AFF3: variants seen among roughly 807,000 people sequenced by gnomAD.
AFF3 encodes the protein AF4/FMR2 family member 3.
AFF3 carries 32 observed loss-of-function variants against 129.7 expected under a neutral mutation model. The observed-to-expected ratio is 0.25, with a 90% CI of 0.19 to 0.33. AFF3 has a LOEUF of 0.33. Among genes scored for constraint, AFF3 ranks in the 10% least tolerant of loss-of-function variants. AFF3 has a pLI of 1.00. For synonymous variants in AFF3, 644 were observed against 635.4 expected (o/e 1.01, Z -0.20); for missense variants, 1,373 against 1,592.0 (o/e 0.86, Z 2.34).
Position 99,964,443 on chromosome 2 carries a change from A to G in AFF3, c.873+42189T>C, listed in dbSNP as rs540811312. ...CATAACAAAATCAAACTAGAAATCA[A>G]TAACACAAAGACAACAGAACAATCT... On this transcript the variant is annotated intron_variant, in intron 7 of 24. Coordinates refer to ENST00000672756, the MANE Select transcript of AFF3 (RefSeq NM_001386135.1). Among the ~76,000 whole-genome samples the G allele has an allele frequency of 3.5e-4, 53 of 152,340 alleles. 1 individual carries two copies. The South Asian group carries it at 7.5e-3, about 21-fold the overall frequency.
chr2:99,800,420 G>C (rs1367879382), intron 8 of AFF3, among the ~76,000 whole-genome samples: 1 of 152,132 alleles, frequency 6.6e-6, no homozygotes, highest in East Asian at 1.9e-4. Flanking sequence ...TCAAGTGTTG[G>C]CAAGGATGTG....
chr2:100,097,636 T>C (rs1302938764), intron 4 of AFF3, among the ~76,000 whole-genome samples: 1 of 150,492 alleles, frequency 6.6e-6, no homozygotes, highest in African/African-American at 2.5e-5. Flanking sequence ...CTTACTCTGA[T>C]ATAAACACTG....
intron 7 of AFF3, among the ~76,000 whole-genome samples, chr2:99,958,007 T>G (rs932616469): frequency 6.6e-6 from 1 of 152,154 alleles, no homozygotes; most frequent in Non-Finnish European, 1.5e-5. Flanking sequence ...GTTTTACCCC[T>G]AGAATGAGGA....
At chr2:99,877,041 C>T (rs1037388686) in intron 7 of AFF3, among the ~76,000 whole-genome samples, 6 of 152,080 alleles carry the variant, frequency 3.9e-5, no homozygotes, top group Non-Finnish European at 7.4e-5. Flanking sequence ...AGGCTACTAA[C>T]GCTGAGGGAG....
At chr2:100,127,639 C>G (rs1692253925) in intron 2 of AFF3, among the ~76,000 whole-genome samples, 1 of 152,214 alleles carries the variant, frequency 6.6e-6, no homozygotes, top group South Asian at 2.1e-4. Flanking sequence ...CAAGGAAGTC[C>G]CTGCCCAGAG....
intron 11 of AFF3, among the ~76,000 whole-genome samples, chr2:99,691,006 G>A (rs571136263): frequency 1.3e-5 from 2 of 152,080 alleles, no homozygotes; most frequent in South Asian, 4.2e-4. Context: ...AATGCATGTT[G>A]GAGGGACCCA....
chr2:99,578,873 C>T (rs946745236), intron 17 of AFF3, among the ~76,000 whole-genome samples: 1 of 152,206 alleles, frequency 6.6e-6, no homozygotes, highest in African/African-American at 2.4e-5. Context: ...ACACAGATTG[C>T]CAGGCCCCAC....
intron 12 of AFF3, among the ~76,000 whole-genome samples, chr2:99,663,775 C>T (rs1386023131): frequency 3.3e-5 from 5 of 152,204 alleles, no homozygotes; most frequent in Non-Finnish European, 5.9e-5. Flanking sequence ...ATGTACATAG[C>T]CATTCAATTT....
intron 9 of AFF3, among the ~76,000 whole-genome samples, 194 bp from the exon 10 acceptor site, chr2:99,744,334 A>G (rs1452715911): frequency 6.6e-6 from 1 of 152,208 alleles, no homozygotes; most frequent in Non-Finnish European, 1.5e-5. Flanking sequence ...ATACTTCACA[A>G]TCATTTTTCT....
At chr2:99,810,119 G>C (rs977130617) in intron 8 of AFF3, among the ~76,000 whole-genome samples, 9 of 152,286 alleles carry the variant, frequency 5.9e-5, no homozygotes, top group African/African-American at 2.2e-4. Context: ...TATGCTGATG[G>C]ACCAGTGATT....
intron 7 of AFF3, among the ~76,000 whole-genome samples, chr2:99,866,387 A>G (rs1025452717): frequency 1.3e-5 from 2 of 152,142 alleles, no homozygotes; most frequent in Non-Finnish European, 2.9e-5. Flanking sequence ...TCATCATCAG[A>G]AAAAAAGCCC....
At chr2:99,592,295 C>T (rs1678762671) in intron 15 of AFF3, among the ~76,000 whole-genome samples, 1 of 152,150 alleles carries the variant, frequency 6.6e-6, no homozygotes, top group African/African-American at 2.4e-5. Context: ...TGGACGTATT[C>T]AAATATCCCT....
intron 7 of AFF3, among the ~76,000 whole-genome samples, chr2:99,859,057 A>C (rs1486685293): frequency 1.3e-5 from 2 of 152,238 alleles, no homozygotes; most frequent in Non-Finnish European, 2.9e-5. Context: ...AGAACTGCCA[A>C]AATAAAGCAG....
At position 99,750,141 on chromosome 2, in the gene AFF3, A is replaced by G. The variant is rs1558813857; in HGVS notation, c.1002+2080T>C. Reference sequence around the variant, plus strand: ...TTGCTAGTGTAAAAGCACATAAAAAAGGTTTGCAAGAAAGTAGTTGTATCA... The same window carrying G: ...TTGCTAGTGTAAAAGCACATAAAAAGGGTTTGCAAGAAAGTAGTTGTATCA... On this transcript the variant is annotated intron_variant, in intron 9 of 24. Transcript: ENST00000672756. 2.0e-5 allele frequency among the ~76,000 whole-genome samples: 3 copies of G among 152,350 alleles called. No homozygotes were observed. In the South Asian group the frequency reaches 6.2e-4, roughly 32 times the overall value.
intron 7 of AFF3, among the ~76,000 whole-genome samples, chr2:99,864,127 A>G (rs2105926476): frequency 6.6e-6 from 1 of 152,344 alleles, no homozygotes; most frequent in Non-Finnish European, 1.5e-5. Context: ...GTCTTGCAGA[A>G]TTGCAGCTTA....
At chr2:100,041,882 T>C (rs1159064246) in intron 4 of AFF3, among the ~76,000 whole-genome samples, 1 of 152,200 alleles carries the variant, frequency 6.6e-6, no homozygotes, top group Non-Finnish European at 1.5e-5. Context: ...ATGCAGACTT[T>C]CAATACTACT....
chr2:99,733,405 C>T (rs1282540829), intron 10 of AFF3, among the ~76,000 whole-genome samples: 1 of 148,228 alleles, frequency 6.7e-6, no homozygotes, highest in African/African-American at 2.5e-5. Flanking sequence ...AAAACAACAA[C>T]AACAACAACA....
intron 7 of AFF3, among the ~76,000 whole-genome samples, chr2:99,972,403 C>T (rs1576458052): frequency 1.3e-5 from 2 of 152,224 alleles, no homozygotes; most frequent in South Asian, 4.1e-4. Context: ...GTCCTTCTTC[C>T]CTCCCTGGTC....
intron 8 of AFF3, among the ~76,000 whole-genome samples, chr2:99,817,816 A>T (rs1687359749): frequency 6.6e-6 from 1 of 152,188 alleles, no homozygotes; most frequent in Admixed American, 6.5e-5. Context: ...AAAACTTATT[A>T]CTGTATTTAC....
Sources: allele counts gnomAD v4.1 joint callset (sites outside exome capture counted in the v4.1 genomes callset), GRCh38; gene constraint gnomAD v4.1.1; transcripts MANE v1.5; gene names NCBI Gene and HGNC (gene_info 2026-07-23, HGNC 2026-07-21).